PEAK1: variants seen among roughly 807,000 people sequenced by gnomAD.
The protein encoded by PEAK1 is pseudopodium enriched atypical kinase 1, also known as inactive tyrosine-protein kinase PEAK1.
Under a neutral mutation model 124.7 loss-of-function variants are expected in PEAK1, and 54 were observed. The observed-to-expected ratio is 0.43, with a 90% CI of 0.35 to 0.54. The LOEUF (loss-of-function observed/expected upper bound fraction) is 0.54. Ranked by LOEUF, PEAK1 falls within the 20% of genes least tolerant of loss-of-function variation. The probability of loss-of-function intolerance (pLI) is 0.01; values close to 1 mark genes in which losing one functional copy is unlikely to be tolerated. For missense variants in PEAK1, 2,046 were observed against 2,134.5 expected, an observed-to-expected ratio of 0.96 and a Z score of 0.82; for synonymous variants, 719 against 760.0, an observed-to-expected ratio of 0.95 and a Z score of 0.89.
intron 8 of PEAK1, among the ~76,000 whole-genome samples, chr15:77,146,107 A>C (rs1281568314): frequency 6.6e-6 from 1 of 152,228 alleles, no homozygotes; most frequent in Non-Finnish European, 1.5e-5. Context: ...AGCGGGGAAT[A>C]CAAAGAGTTT....
intron 6 of PEAK1, among the ~76,000 whole-genome samples, chr15:77,182,579 C>T (rs2057331339): frequency 6.6e-6 from 1 of 151,436 alleles, no homozygotes; most frequent in Non-Finnish European, 1.5e-5. Context: ...TGATAAAATC[C>T]CATCTCTAAA....
intron 9 of PEAK1, among the ~76,000 whole-genome samples, chr15:77,115,667 T>C (rs921456049): frequency 2.6e-5 from 4 of 152,206 alleles, no homozygotes; most frequent in Admixed American, 2.0e-4. Context: ...CACTATAACC[T>C]TGCACCTCAT....
intron 8 of PEAK1, among the ~76,000 whole-genome samples, chr15:77,152,531 T>C (rs1274319929): frequency 6.6e-6 from 1 of 152,174 alleles, no homozygotes; most frequent in African/African-American, 2.4e-5. Context: ...CTATGTTGAA[T>C]AGGAGCGGTG....
chr15:77,351,874 G>A, intron 2 of PEAK1: 3 of 985,396 alleles, frequency 3.0e-6, no homozygotes, highest in Non-Finnish European at 3.6e-6. Flanking sequence ...GAAAAGGACA[G>A]ACCAGAAAGA....
chr15:77,373,537 T>G (rs1332879136), intron 1 of PEAK1, among the ~76,000 whole-genome samples: 56 of 152,258 alleles, frequency 3.7e-4, no homozygotes, highest in Non-Finnish European at 4.4e-5. Flanking sequence ...TCTGGTAACG[T>G]GTCACTGCCT....
chr15:77,149,534 T>C (rs141906033), intron 8 of PEAK1, among the ~76,000 whole-genome samples: 311 of 152,272 alleles, frequency 2.0e-3, no homozygotes, highest in Non-Finnish European at 3.3e-3. Context: ...AAATGACTTG[T>C]TGAACGTATT....
intron 9 of PEAK1, among the ~76,000 whole-genome samples, chr15:77,122,573 T>C (rs984361005): frequency 2.6e-5 from 4 of 152,148 alleles, no homozygotes; most frequent in Admixed American, 6.6e-5. Flanking sequence ...ATTAAAGCCA[T>C]GCTCCCTTTT....
chr15:77,124,825 T>C (rs1025335107), intron 9 of PEAK1, among the ~76,000 whole-genome samples: 5 of 152,244 alleles, frequency 3.3e-5, no homozygotes, highest in Non-Finnish European at 7.3e-5. Context: ...AGCCTAATTT[T>C]CCACTATTCT....
intron 6 of PEAK1, among the ~76,000 whole-genome samples, chr15:77,185,901 A>G (rs1348666601): frequency 6.6e-6 from 1 of 152,214 alleles, no homozygotes; most frequent in African/African-American, 2.4e-5. Context: ...TTATGGACAA[A>G]GGAATCGAAG....
At chr15:77,312,073 G>T (rs901779733) in intron 2 of PEAK1, among the ~76,000 whole-genome samples, 3 of 152,062 alleles carry the variant, frequency 2.0e-5, no homozygotes, top group African/African-American at 4.8e-5. Context: ...AGGAAATAAA[G>T]AAAACGGACC....
chr15:77,243,951 G>A (rs2060466073), intron 6 of PEAK1, among the ~76,000 whole-genome samples: 1 of 150,144 alleles, frequency 6.7e-6, no homozygotes, highest in Non-Finnish European at 1.5e-5. Flanking sequence ...CTGGGCAACA[G>A]AAGTGAAACT....
chr15:77,394,165 G>T (rs1178058427), intron 1 of PEAK1, among the ~76,000 whole-genome samples: 1 of 152,200 alleles, frequency 6.6e-6, no homozygotes, highest in Non-Finnish European at 1.5e-5. Context: ...CTGGCTCCTG[G>T]ATGGCATCTC....
intron 7 of PEAK1, among the ~76,000 whole-genome samples, chr15:77,167,549 T>C (rs535706295): frequency 1.2e-4 from 19 of 152,340 alleles, no homozygotes; most frequent in African/African-American, 4.3e-4. Context: ...TAAGTGCTGA[T>C]AGTCCAGAAG....
chr15:77,248,694 C>G (rs971649435), intron 6 of PEAK1, among the ~76,000 whole-genome samples: 1 of 152,176 alleles, frequency 6.6e-6, no homozygotes, highest in African/African-American at 2.4e-5. Context: ...AAATAAATTT[C>G]TGTTGTTTTC....
chr15:77,126,720 A>G (rs1310444326), intron 9 of PEAK1, among the ~76,000 whole-genome samples: 1 of 152,256 alleles, frequency 6.6e-6, no homozygotes, highest in Non-Finnish European at 1.5e-5. Flanking sequence ...CATGACTTGC[A>G]TAAAAATACA....
At chr15:77,297,574 T>G (rs2063547617) in intron 2 of PEAK1, among the ~76,000 whole-genome samples, 1 of 151,510 alleles carries the variant, frequency 6.6e-6, no homozygotes, top group Non-Finnish European at 1.5e-5. Flanking sequence ...GCATGTGAAA[T>G]CTGGTGAAAC....
At chr15:77,275,042 A>G (rs568961058) in intron 5 of PEAK1, among the ~76,000 whole-genome samples, 61 of 152,352 alleles carry the variant, frequency 4.0e-4, no homozygotes, top group Admixed American at 7.8e-4. Context: ...GGAGACCATT[A>G]TTCCAAGTGA....
intron 8 of PEAK1, among the ~76,000 whole-genome samples, chr15:77,143,499 T>C (rs948487026): frequency 1.3e-5 from 2 of 152,224 alleles, no homozygotes; most frequent in Non-Finnish European, 2.9e-5. Context: ...GAGCCTTTCA[T>C]GATCTGGCCC....
At chr15:77,381,261 C>G in intron 1 of PEAK1, 3 of 973,860 alleles carry the variant, frequency 3.1e-6, no homozygotes, top group Non-Finnish European at 3.7e-6. Flanking sequence ...TTAAAGAATA[C>G]AGCAATGGCC....
Sources: allele counts gnomAD v4.1 joint callset (sites outside exome capture counted in the v4.1 genomes callset), GRCh38; gene constraint gnomAD v4.1.1; transcripts MANE v1.5; gene names NCBI Gene and HGNC (gene_info 2026-07-23, HGNC 2026-07-21).